CDH8: variants seen among roughly 807,000 people sequenced by gnomAD.
CDH8 encodes cadherin-8.
A neutral mutation model predicts 68.1 loss-of-function variants in CDH8; 17 were observed. That is an observed-to-expected ratio of 0.25 (90% CI 0.17 to 0.37). CDH8 has a LOEUF of 0.37. Ranked by LOEUF, CDH8 falls within the 10% of genes least tolerant of loss-of-function variation. CDH8 has a pLI of 1.00. For missense variants in CDH8, 763 were observed against 999.3 expected (o/e 0.76, Z 3.19); for synonymous variants, 372 against 365.1 (o/e 1.02, Z -0.21).
intron 10 of CDH8, among the ~76,000 whole-genome samples, chr16:61,672,587 A>T (rs1017874770): frequency 3.9e-5 from 6 of 152,084 alleles, no homozygotes; most frequent in African/African-American, 1.4e-4. Context: ...AACTAATAGT[A>T]GTTATTATTA....
intron 3 of CDH8, among the ~76,000 whole-genome samples, chr16:61,887,303 A>G (rs1963692912): frequency 6.6e-6 from 1 of 152,216 alleles, no homozygotes; most frequent in African/African-American, 2.4e-5. Flanking sequence ...GAAAGGAAAG[A>G]TAACACCCAG....
At chr16:61,812,490 T>C (rs375608326) in intron 7 of CDH8, among the ~76,000 whole-genome samples, 2 of 152,172 alleles carry the variant, frequency 1.3e-5, no homozygotes, top group African/African-American at 2.4e-5. Context: ...AGGTGAATGC[T>C]TGGGAAACAA....
At chr16:61,953,940 A>G (rs1964941462) in intron 2 of CDH8, among the ~76,000 whole-genome samples, 1 of 139,848 alleles carries the variant, frequency 7.2e-6, no homozygotes, top group Admixed American at 7.0e-5. Flanking sequence ...ATACCTTAAT[A>G]ACATGCTATC....
intron 4 of CDH8, among the ~76,000 whole-genome samples, chr16:61,848,456 C>T (rs1008787963): frequency 6.6e-6 from 1 of 152,112 alleles, no homozygotes. Context: ...ATGACCATCA[C>T]ACCACTTCAA....
At chr16:61,788,027 A>G (rs1404408187) in intron 8 of CDH8, among the ~76,000 whole-genome samples, 1 of 151,160 alleles carries the variant, frequency 6.6e-6, no homozygotes, top group Non-Finnish European at 1.5e-5. Flanking sequence ...AGCATGGCAC[A>G]TGTATACATA....
At chr16:61,832,554 T>C (rs1163259562) in intron 4 of CDH8, among the ~76,000 whole-genome samples, 1 of 151,824 alleles carries the variant, frequency 6.6e-6, no homozygotes, top group Admixed American at 6.6e-5. Flanking sequence ...AAAGCTTGTT[T>C]ATACATTTTG....
At chr16:61,949,260 A>G (rs1457654900) in intron 2 of CDH8, among the ~76,000 whole-genome samples, 2 of 152,128 alleles carry the variant, frequency 1.3e-5, no homozygotes, top group Non-Finnish European at 2.9e-5. Context: ...GGGGACTTGG[A>G]GAACTTTTCT....
chr16:61,818,670 C>T (rs1371950757), intron 6 of CDH8, among the ~76,000 whole-genome samples: 6 of 152,112 alleles, frequency 3.9e-5, no homozygotes, highest in Non-Finnish European at 5.9e-5. Flanking sequence ...ACCTTTATAG[C>T]CCAATTTTTG....
At chr16:61,674,910 C>A (rs969625056) in intron 10 of CDH8, among the ~76,000 whole-genome samples, 1 of 149,472 alleles carries the variant, frequency 6.7e-6, no homozygotes, top group African/African-American at 2.5e-5. Context: ...GCAATAGCAA[C>A]TATCTGAACA....
At chr16:61,707,987 T>A (rs1964564880) in intron 10 of CDH8, among the ~76,000 whole-genome samples, 1 of 152,152 alleles carries the variant, frequency 6.6e-6, no homozygotes, top group South Asian at 2.1e-4. Context: ...ACATTTTTTC[T>A]AAATAATTCT....
At chr16:61,785,282 A>C (rs936319610) in intron 8 of CDH8, among the ~76,000 whole-genome samples, 1 of 89,122 alleles carries the variant, frequency 1.1e-5, no homozygotes. Flanking sequence ...CAGAAATACA[A>C]ACTACCATCA....
chr16:61,871,288 C>T (rs1963356641), intron 3 of CDH8, among the ~76,000 whole-genome samples: 1 of 151,862 alleles, frequency 6.6e-6, no homozygotes, highest in African/African-American at 2.4e-5. Flanking sequence ...TCAAGCAATC[C>T]TCCCACCTCA....
intron 7 of CDH8, among the ~76,000 whole-genome samples, chr16:61,798,879 C>G (rs969149974): frequency 6.6e-6 from 1 of 152,130 alleles, no homozygotes; most frequent in Non-Finnish European, 1.5e-5. Context: ...TGTAATTATT[C>G]AAGTACAACA....
intron 8 of CDH8, among the ~76,000 whole-genome samples, chr16:61,763,695 G>A (rs1398700190): frequency 2.0e-5 from 3 of 152,042 alleles, no homozygotes; most frequent in Non-Finnish European, 4.4e-5. Context: ...TTAACTTCAG[G>A]AAAATAGCAC....
At chr16:61,966,549 AAAG>A (rs1223748430) in intron 2 of CDH8, among the ~76,000 whole-genome samples, 7 of 152,254 alleles carry the variant, frequency 4.6e-5, no homozygotes, top group East Asian at 1.9e-4. Flanking sequence ...AATAAAAAAA[AAAG>A]AAGAAGAAAA....
chr16:61,926,037 T>C (rs2143436357), intron 2 of CDH8, among the ~76,000 whole-genome samples: 1 of 152,300 alleles, frequency 6.6e-6, no homozygotes, highest in Admixed American at 6.5e-5. Flanking sequence ...GTTGTTTCTT[T>C]TTTCTCATTT....
chr16:61,655,320 T>A, intron 11 of CDH8, 150 bp downstream of exon 11: 1 of 745,968 alleles, frequency 1.3e-6, no homozygotes, highest in Non-Finnish European at 2.2e-6. Flanking sequence ...TCTTCACTTA[T>A]TAGAGATCTC....
At chr16:61,807,235 C>T (rs550910449) in intron 7 of CDH8, among the ~76,000 whole-genome samples, 1 of 149,936 alleles carries the variant, frequency 6.7e-6, no homozygotes, top group Non-Finnish European at 1.5e-5. Flanking sequence ...AAAAACCAAA[C>T]ATGGCATATT....
chr16:61,801,996 C>T (rs1567477327), intron 7 of CDH8, among the ~76,000 whole-genome samples: 1 of 142,272 alleles, frequency 7.0e-6, no homozygotes, highest in Non-Finnish European at 1.5e-5. Flanking sequence ...CCTCTGTAGG[C>T]TCCACCTCTG....
Sources: gnomAD v4.1 joint callset for allele counts (sites outside exome capture counted in the v4.1 genomes callset) on GRCh38, gnomAD v4.1.1 for gene constraint, MANE v1.5 for transcripts, NCBI Gene and HGNC (gene_info 2026-07-23, HGNC 2026-07-21) for gene names.